Variants in CACNA2D1 observed in about 807,000 individuals in gnomAD.
CACNA2D1 encodes calcium voltage-gated channel auxiliary subunit alpha2delta 1.
CACNA2D1 carries 53 observed loss-of-function variants against 171.5 expected under a neutral mutation model. That is an observed-to-expected ratio of 0.31 (90% CI 0.25 to 0.39). The LOEUF is 0.39. Among genes scored for constraint, CACNA2D1 ranks in the 10% least tolerant of loss-of-function variants. CACNA2D1 has a pLI of 1.00. For missense variants in CACNA2D1, 903 were observed against 1,299.8 expected, an observed-to-expected ratio of 0.69 and a Z score of 4.69; for synonymous variants, 442 against 443.1, an observed-to-expected ratio of 1.00 and a Z score of 0.03.
chr7:82,414,936 A>G (rs1418160610), intron 1 of CACNA2D1, among the ~76,000 whole-genome samples: 1 of 152,222 alleles, frequency 6.6e-6, no homozygotes, highest in African/African-American at 2.4e-5. Context: ...TTAACTTAAA[A>G]TGTCCCAAAA....
chr7:82,339,069 C>A (rs1420556163), intron 2 of CACNA2D1, among the ~76,000 whole-genome samples: 1 of 152,120 alleles, frequency 6.6e-6, no homozygotes, highest in African/African-American at 2.4e-5. Flanking sequence ...CACCAGATAC[C>A]TTGTCATATA....
At chr7:82,376,967 T>A (rs570099593) in intron 1 of CACNA2D1, among the ~76,000 whole-genome samples, 1 of 152,330 alleles carries the variant, frequency 6.6e-6, no homozygotes, top group Non-Finnish European at 1.5e-5. Context: ...TATATACACA[T>A]GACACTGTAT....
intron 3 of CACNA2D1, among the ~76,000 whole-genome samples, chr7:82,330,085 C>G (rs1046720154): frequency 2.7e-5 from 4 of 149,420 alleles, no homozygotes; most frequent in Admixed American, 1.3e-4. Context: ...AAAAAAAAAG[C>G]AAAATTGCTA....
chr7:81,960,927 A>ATACTC (rs1794039707), intron 36 of CACNA2D1, among the ~76,000 whole-genome samples: 1 of 151,818 alleles, frequency 6.6e-6, no homozygotes, highest in Non-Finnish European at 1.5e-5. Flanking sequence ...TCCTCTTTAT[A>ATACTC]TACTCTACCT....
chr7:82,435,122 G>A (rs1053857662), intron 1 of CACNA2D1, among the ~76,000 whole-genome samples: 3 of 133,204 alleles, frequency 2.3e-5, no homozygotes, highest in Non-Finnish European at 3.1e-5. Flanking sequence ...TGCAACATCC[G>A]CCTCCCGGGT....
At chr7:81,978,361 A>C (rs1796071587) in intron 24 of CACNA2D1, among the ~76,000 whole-genome samples, 1 of 152,216 alleles carries the variant, frequency 6.6e-6, no homozygotes, top group Non-Finnish European at 1.5e-5. Flanking sequence ...TATAGACTGG[A>C]TAAAGAAAAT....
chr7:81,962,436 A>G lies in CACNA2D1; in HGVS notation c.2836+4T>C, dbSNP rs1794249893. The G allele has an allele frequency of 6.2e-7, 1 of 1,602,572 alleles. No individual in the cohort carries two copies. The highest frequency in any genetic ancestry group is 2.2e-5 in the East Asian group (1 of 44,612). On this transcript the variant is annotated splice_donor_region_variant and intron_variant, in intron 35 of 38. Transcript: ENST00000356860. ...GCAATGACAAGGTCTGAGCATTTAC[A>G]TACCTGCCTCAAGGAGTCGTGGAAA...
intron 1 of CACNA2D1, among the ~76,000 whole-genome samples, chr7:82,421,139 T>C (rs1828681322): frequency 6.6e-6 from 1 of 152,200 alleles, no homozygotes; most frequent in Non-Finnish European, 1.5e-5. Flanking sequence ...AAATGATGAC[T>C]TTGTTTTATA....
intron 24 of CACNA2D1, among the ~76,000 whole-genome samples, chr7:81,977,988 G>T (rs1450158720): frequency 1.3e-5 from 2 of 152,150 alleles, no homozygotes; most frequent in Non-Finnish European, 2.9e-5. Context: ...ATGAAAAAAA[G>T]CTCATCACCA....
At chr7:82,012,544 G>A (rs1799925709) in intron 14 of CACNA2D1, among the ~76,000 whole-genome samples, 1 of 152,052 alleles carries the variant, frequency 6.6e-6, no homozygotes, top group South Asian at 2.1e-4. Context: ...TACGTTCCCT[G>A]TGAATTGTTT....
At chr7:82,221,940 G>A (rs1425959194) in intron 3 of CACNA2D1, among the ~76,000 whole-genome samples, 1 of 150,572 alleles carries the variant, frequency 6.6e-6, no homozygotes, top group Admixed American at 6.6e-5. Context: ...TAGTCTATCC[G>A]CTTAAATAAA....
chr7:82,285,527 G>C lies in CACNA2D1; in HGVS notation c.294+49608C>G, dbSNP rs540326672. Among the ~76,000 whole-genome samples the C allele has an allele frequency of 7.2e-5, 11 of 152,236 alleles. No homozygotes were observed. The East Asian group carries it at 2.1e-3, about 29-fold the overall frequency. On this transcript the variant is annotated intron_variant, in intron 3 of 38. Coordinates refer to ENST00000356860, the MANE Select transcript of CACNA2D1 (RefSeq NM_000722.4). ...AACTGTTATAAAAAAAGTAAATGCT[G>C]AGCAGGGGGTGATAAGGAGGTGTCA...
intron 5 of CACNA2D1, among the ~76,000 whole-genome samples, chr7:82,117,959 TA>T (rs1406865621): frequency 1.5e-4 from 23 of 152,322 alleles, no homozygotes; most frequent in South Asian, 1.4e-3. Flanking sequence ...GTGACAGAAA[TA>T]ATATGGCAAT....
intron 1 of CACNA2D1, among the ~76,000 whole-genome samples, chr7:82,357,065 T>A (rs952729000): frequency 6.6e-6 from 1 of 152,132 alleles, no homozygotes; most frequent in Non-Finnish European, 1.5e-5. Context: ...ATCTTTTATA[T>A]CCTCTACTTC....
Position 81,950,140 on chromosome 7 carries a change from G to A in CACNA2D1, c.*252C>T, listed in dbSNP as rs1792351166. 5.7e-6 allele frequency: 3 copies of A among 525,298 alleles called. No homozygotes were observed. Among genetic ancestry groups the A allele is most frequent in the African/African-American group, 1.9e-5 (1 of 52,334 alleles). The allele number at this position is 525,298 out of a possible 1,614,324, so 32.5% of individuals were successfully genotyped here. A position where few individuals can be genotyped will look rare whatever the true frequency, so the allele number is the denominator to read the frequency against. ...CAACAAACTCCCAAATTTTCCAATA[G>A]AGGACACGTATAGGATTTTGCTTTG... is the stretch of plus-strand genomic sequence containing the variant. On this transcript the variant is annotated 3_prime_UTR_variant, in exon 39 of 39. Coordinates refer to ENST00000356860, the MANE Select transcript of CACNA2D1 (RefSeq NM_000722.4).
At chr7:82,056,707 T>C (rs1273378219) in intron 10 of CACNA2D1, among the ~76,000 whole-genome samples, 1 of 152,118 alleles carries the variant, frequency 6.6e-6, no homozygotes, top group Non-Finnish European at 1.5e-5. Context: ...AAAAAATTAT[T>C]ATATTGCATT....
At chr7:82,088,939 C>A (rs1810805057) in intron 6 of CACNA2D1, among the ~76,000 whole-genome samples, 1 of 151,786 alleles carries the variant, frequency 6.6e-6, no homozygotes, top group Admixed American at 6.6e-5. Flanking sequence ...CTAGATCACG[C>A]ACATGTGCCG....
intron 5 of CACNA2D1, among the ~76,000 whole-genome samples, chr7:82,124,089 C>T (rs1790056892): frequency 6.6e-6 from 1 of 152,010 alleles, no homozygotes. Flanking sequence ...TGTATGCCAT[C>T]CTATTCAAGG....
intron 1 of CACNA2D1, among the ~76,000 whole-genome samples, chr7:82,385,415 T>C (rs897802067): frequency 2.0e-5 from 3 of 152,230 alleles, no homozygotes; most frequent in Admixed American, 6.5e-5. Flanking sequence ...CTCATGACGA[T>C]AAATGAACAC....
Sources: allele counts gnomAD v4.1 joint callset (sites outside exome capture counted in the v4.1 genomes callset), GRCh38; gene constraint gnomAD v4.1.1; transcripts MANE v1.5; gene names NCBI Gene and HGNC (gene_info 2026-07-23, HGNC 2026-07-21).